Variants in DTX4 observed in about 807,000 individuals in gnomAD.
DTX4 encodes the protein E3 ubiquitin-protein ligase DTX4.
In DTX4, 28 loss-of-function variants were observed where a neutral mutation model predicts 57.6. The ratio of observed to expected loss-of-function variants is 0.49; its 90% CI spans 0.36 to 0.67. The LOEUF (loss-of-function observed/expected upper bound fraction) is 0.67. DTX4 is among the 30% of genes least tolerant of loss of function. DTX4 has a pLI of 0.00. For missense variants in DTX4, 715 were observed against 836.8 expected, an observed-to-expected ratio of 0.85 and a Z score of 1.80; for synonymous variants, 316 against 331.0, an observed-to-expected ratio of 0.95 and a Z score of 0.49.
At chr11:59,202,079 A>G (rs879436673) in intron 8 of DTX4, among the ~76,000 whole-genome samples, 38 of 152,260 alleles carry the variant, frequency 2.5e-4, no homozygotes, top group African/African-American at 6.8e-4. Context: ...CAGTTTCTAG[A>G]ATCAAGCTTT....
chr11:59,174,752 C>A (rs879435480), intron 1 of DTX4, among the ~76,000 whole-genome samples: 21 of 152,200 alleles, frequency 1.4e-4, no homozygotes, highest in Admixed American at 1.2e-3. Context: ...TCTGATCACT[C>A]TTACCTGAGG....
intron 2 of DTX4, among the ~76,000 whole-genome samples, chr11:59,186,623 C>T (rs762456658): frequency 6.6e-6 from 1 of 152,190 alleles, no homozygotes; most frequent in Non-Finnish European, 1.5e-5. Flanking sequence ...GTTTCCGTAG[C>T]GTCTTCTAAC....
intron 1 of DTX4, among the ~76,000 whole-genome samples, chr11:59,179,417 C>T (rs1862433292): frequency 6.6e-6 from 1 of 152,206 alleles, no homozygotes. Flanking sequence ...TGTTTTTGTA[C>T]CCTTTCCCAA....
chr11:59,177,065 A>C (rs1336885939), intron 1 of DTX4, among the ~76,000 whole-genome samples: 2 of 152,264 alleles, frequency 1.3e-5, no homozygotes, highest in East Asian at 3.9e-4. Context: ...TCCTCTTGAC[A>C]TCCCTCTGAC....
intron 1 of DTX4, among the ~76,000 whole-genome samples, chr11:59,177,991 C>T (rs1456992725): frequency 2.6e-5 from 4 of 152,306 alleles, no homozygotes; most frequent in African/African-American, 9.6e-5. Context: ...ATCAAATTAG[C>T]CACACAAATA....
chr11:59,177,237 T>A (rs1166951285), intron 1 of DTX4, among the ~76,000 whole-genome samples: 1 of 152,200 alleles, frequency 6.6e-6, no homozygotes, highest in Non-Finnish European at 1.5e-5. Context: ...GCCATTCACA[T>A]GCAGATTCCC....
rs73476971 is a variant in DTX4 at position 59,188,228 on chromosome 11, T to C, written c.936-507T>C. Among the ~76,000 whole-genome samples the C allele has an allele frequency of 2.1e-3, 325 of 152,250 alleles. 3 individuals are homozygous for C. The highest frequency in any genetic ancestry group is 7.6e-3 in the African/African-American group (316 of 41,548). On this transcript the variant is annotated intron_variant, in intron 2 of 8. Coordinates refer to ENST00000227451, the MANE Select transcript of DTX4 (RefSeq NM_015177.2). ...AGCAATAATTTCTTTTAAAGGATCC[T>C]AAGTAGAGCAGGAGTCCTGGCGTGG...
rs369992726 is a variant in DTX4 at position 59,172,554 on chromosome 11, C to T, written c.-42C>T. ...AGCGGAGGAGGTCGGGCGCTCGGGG[C>T]CCGGGAGGCGGGCCGCGCAGCGCCG... On this transcript the variant is annotated 5_prime_UTR_variant, in exon 1 of 9. Transcript: ENST00000227451. 1.6e-3 allele frequency: 2,020 copies of T among 1,287,864 alleles called. 54 individuals are homozygous for T. In the South Asian group the frequency reaches 0.037, roughly 24 times the overall value. 79.8% of individuals were successfully genotyped at this position (1,287,864 alleles called of 1,614,324 possible).
intron 5 of DTX4, 74 bp from the exon 6 acceptor site, chr11:59,192,024 T>A: frequency 2.0e-5 from 31 of 1,550,956 alleles, no homozygotes; most frequent in Non-Finnish European, 2.7e-5. Flanking sequence ...TCATCTGACC[T>A]CTGAGATCAT....
chr11:59,183,035 C>A (rs1428731699), intron 2 of DTX4, among the ~76,000 whole-genome samples: 1 of 152,212 alleles, frequency 6.6e-6, no homozygotes, highest in Non-Finnish European at 1.5e-5. Flanking sequence ...ATCCTTGCAA[C>A]AACTCTATGA....
chr11:59,204,887 G>T lies in DTX4; in HGVS notation c.1838G>T (p.Ser613Ile). 1 of 1,587,912 alleles carries T rather than the reference G, an allele frequency of 6.3e-7. No individual in the cohort carries two copies. Among genetic ancestry groups the T allele is most frequent in the East Asian group, 2.3e-5 (1 of 43,510 alleles). Residue 613 changes from serine (S) to isoleucine (I), a missense_variant, in exon 9 of 9, where the codon AGC becomes ATC. Coordinates refer to ENST00000227451, the MANE Select transcript of DTX4 (RefSeq NM_015177.2). The stretch of plus-strand genomic sequence containing the variant: ...GCTGCCCAGGGCATCTCTGAGGACA[G>T]CACTGCCCAGGAGAAGGACTGAGGC... ...ELAAQGISEDSTAQEKD is the reference protein window; with the variant it reads ...ELAAQGISEDITAQEKD
rs892537352 is a variant in DTX4, at chr11:59,204,698, C to T, written c.1649C>T (p.Ala550Val). The change falls in exon 9 of 9, where the codon GCC becomes GTC. Residue 550 changes from alanine to valine, a missense_variant. Transcript: ENST00000227451. ...GRKVLKLLLV[A>V]WDRRLIFAIG... ...TAGGTTCTGAAGCTGCTGCTCGTGG[C>T]CTGGGATCGCCGCCTCATTTTTGCC... The T allele has an allele frequency of 6.2e-7, 1 of 1,613,402 alleles. No homozygotes were observed. The highest frequency in any genetic ancestry group is 8.5e-7 in the Non-Finnish European group (1 of 1,179,662).
chr11:59,171,916 G>A (rs1392061999), upstream of DTX4, among the ~76,000 whole-genome samples: 1 of 152,196 alleles, frequency 6.6e-6, no homozygotes, highest in African/African-American at 2.4e-5. Context: ...TGGTCCCGGG[G>A]CCGTGTCATG....
chr11:59,200,167 G>A (rs1417710157), intron 8 of DTX4, among the ~76,000 whole-genome samples: 1 of 152,212 alleles, frequency 6.6e-6, no homozygotes, highest in African/African-American at 2.4e-5. Flanking sequence ...TGAGAGCCAA[G>A]TGAAAGGGGA....
At chr11:59,192,312 G>A in intron 6 of DTX4, 62 bp downstream of exon 6, 8 of 1,598,376 alleles carry the variant, frequency 5.0e-6, no homozygotes, top group South Asian at 3.3e-5. Context: ...TAGCAAGATG[G>A]TGAAGGCCCT....
intron 7 of DTX4, among the ~76,000 whole-genome samples, chr11:59,197,518 G>A (rs1590988771): frequency 6.6e-6 from 1 of 152,102 alleles, no homozygotes; most frequent in African/African-American, 2.4e-5. Flanking sequence ...GGCGGGGGTC[G>A]TGGATTTTAA....
intron 1 of DTX4, among the ~76,000 whole-genome samples, chr11:59,173,141 A>G (rs1042766303): frequency 2.0e-5 from 3 of 152,162 alleles, no homozygotes; most frequent in Non-Finnish European, 2.9e-5. Flanking sequence ...GGGCCGCCCC[A>G]GACTACAGGC....
At chr11:59,183,431 G>A (rs935222674) in intron 2 of DTX4, among the ~76,000 whole-genome samples, 1 of 152,118 alleles carries the variant, frequency 6.6e-6, no homozygotes, top group Admixed American at 6.5e-5. Flanking sequence ...TGATTTTCCT[G>A]ATCATAAAAT....
At chr11:59,187,621 G>T (rs779135214) in intron 2 of DTX4, among the ~76,000 whole-genome samples, 3 of 152,248 alleles carry the variant, frequency 2.0e-5, no homozygotes, top group Non-Finnish European at 4.4e-5. Flanking sequence ...CAGCAGAGCT[G>T]TTGGCTTTGC....
Sources: gnomAD v4.1 joint callset for allele counts (sites outside exome capture counted in the v4.1 genomes callset) on GRCh38, gnomAD v4.1.1 for gene constraint, MANE v1.5 for transcripts, NCBI Gene and HGNC (gene_info 2026-07-23, HGNC 2026-07-21) for gene names.